The following ANKRD10 variants were observed in gnomAD, a reference collection of about 807,000 sequenced individuals.
ANKRD10 encodes the protein ankyrin repeat domain-containing protein 10.
In ANKRD10, 14 loss-of-function variants were observed where a neutral mutation model predicts 27.0. That is an observed-to-expected ratio of 0.52 (90% confidence interval 0.34 to 0.81). The LOEUF (loss-of-function observed/expected upper bound fraction) is 0.81, where lower values mean the gene tolerates loss of function less well. Ranked by LOEUF, ANKRD10 falls within the 40% of genes least tolerant of loss-of-function variation. The pLI is 0.01. For missense variants in ANKRD10, 493 were observed against 544.0 expected, an observed-to-expected ratio of 0.91 and a Z score of 0.93; for synonymous variants, 250 against 224.5, an observed-to-expected ratio of 1.11 and a Z score of -1.01.
At chr13:110,908,997 G>A (rs1002603425) in intron 2 of ANKRD10, among the ~76,000 whole-genome samples, 2 of 152,160 alleles carry the variant, frequency 1.3e-5, no homozygotes, top group Admixed American at 6.5e-5. Context: ...AAGTTTCCAG[G>A]AGGTGTTATC....
Position 110,879,601 on chromosome 13 carries a change from A to G in ANKRD10, c.*36T>C. On this transcript the variant is annotated 3_prime_UTR_variant, in exon 6 of 6. Coordinates refer to ENST00000267339, the MANE Select transcript of ANKRD10 (RefSeq NM_017664.4). ...GGGTATTCTGAGCTGGCTACCAGGA[A>G]GGACTCCTGCGTTTCCGAGAGCCAG... 1.3e-6 allele frequency: 2 copies of G among 1,532,094 alleles called. No homozygotes were observed. The highest frequency in any genetic ancestry group is 1.8e-6 in the Non-Finnish European group (2 of 1,114,738). 94.9% of individuals were successfully genotyped at this position (1,532,094 alleles called of 1,614,324 possible). A position where few individuals can be genotyped will look rare whatever the true frequency, so the allele number is the denominator to read the frequency against.
At chr13:110,900,593 G>A in intron 3 of ANKRD10, 1 of 1,351,806 alleles carries the variant, frequency 7.4e-7, no homozygotes, top group Non-Finnish European at 9.8e-7. Context: ...ACAACTGTAA[G>A]GTTTTCGGAG....
chr13:110,891,578 T>A (rs531698481), intron 4 of ANKRD10, among the ~76,000 whole-genome samples: 1 of 152,300 alleles, frequency 6.6e-6, no homozygotes, highest in Non-Finnish European at 1.5e-5. Context: ...ATCAACTTTA[T>A]AGGGAAAAAA....
intron 1 of ANKRD10, among the ~76,000 whole-genome samples, chr13:110,912,991 C>CT (rs1456848538): frequency 5.3e-5 from 8 of 152,222 alleles, no homozygotes; most frequent in Non-Finnish European, 7.3e-5. Context: ...GGTAAAGCTA[C>CT]TACTCAAAGT....
intron 3 of ANKRD10, among the ~76,000 whole-genome samples, chr13:110,898,155 A>G (rs1466641285): frequency 6.6e-6 from 1 of 152,196 alleles, no homozygotes. Context: ...CTATTCCTAA[A>G]TTGAGTGTTT....
chr13:110,907,497 G>T (rs1040200065), intron 2 of ANKRD10, among the ~76,000 whole-genome samples: 2 of 152,186 alleles, frequency 1.3e-5, no homozygotes, highest in African/African-American at 4.8e-5. Flanking sequence ...AACATGAGGT[G>T]AGGGCCACCC....
rs1181628752 is a variant in ANKRD10, at chr13:110,896,875, G to C, written c.456-3612C>G. Among the ~76,000 whole-genome samples the C allele has an allele frequency of 4.3e-4, 65 of 152,042 alleles. 1 individual carries two copies. Among genetic ancestry groups the C allele is most frequent in the Non-Finnish European group, 1.5e-5 (1 of 67,998 alleles). ...TTGGGCCATAGGTTATACAAAAAAAGGCAGCAGGCCAGAACTGCTGAATAA... is the reference window on the plus strand; with the variant it reads ...TTGGGCCATAGGTTATACAAAAAAACGCAGCAGGCCAGAACTGCTGAATAA... On this transcript the variant is annotated intron_variant, in intron 3 of 5. Coordinates refer to ENST00000267339, the MANE Select transcript of ANKRD10 (RefSeq NM_017664.4).
Position 110,914,914 on chromosome 13 carries a change from GCCCGCT to G in ANKRD10, c.15_20del (p.Ala8_Gly9del). ...TGGAGAAGCCCGCCTCTACGCCCGC[GCCCGCT>G]CCCGCCGCCGACATGGTCCGTCACC... On this transcript the variant is annotated inframe_deletion, in exon 1 of 6. Transcript: ENST00000267339. 4 of 1,534,698 alleles carry G rather than the reference GCCCGCT, an allele frequency of 2.6e-6. No individual in the cohort carries two copies. Among genetic ancestry groups the G allele is most frequent in the Non-Finnish European group, 3.5e-6 (4 of 1,145,278 alleles).
chr13:110,893,620 T>A (rs1195475149), intron 3 of ANKRD10, among the ~76,000 whole-genome samples: 1 of 152,238 alleles, frequency 6.6e-6, no homozygotes, highest in African/African-American at 2.4e-5. Flanking sequence ...TACCCATTCC[T>A]TTAGCGTGAA....
chr13:110,892,436 A>AAAAAAAAAAAAAAAAAAAGG (rs1555321016), intron 4 of ANKRD10, among the ~76,000 whole-genome samples: 2 of 144,470 alleles, frequency 1.4e-5, no homozygotes, highest in Non-Finnish European at 3.1e-5. Flanking sequence ...AAAAAAAAAA[A>AAAAAAAAAAAAAAAAAAAGG]TGGTGGGAGA....
Position 110,883,730 on chromosome 13 carries a change from A to AT in ANKRD10, c.754dup (p.Met252AsnfsTer4). 1.9e-6 allele frequency: 3 copies of AT among 1,614,176 alleles called. No homozygotes were observed. Among genetic ancestry groups the AT allele is most frequent in the Non-Finnish European group, 2.5e-6 (3 of 1,180,022 alleles). On this transcript the variant is annotated frameshift_variant, in exon 5 of 6. Transcript: ENST00000267339. LOFTEE classifies it low-confidence loss of function (END_TRUNC). ...AACAGCAAACTCCCTATCAACGTGC[A>AT]TTTTGTCAGCATCGTCTTCTGTGTC...
intron 4 of ANKRD10, among the ~76,000 whole-genome samples, chr13:110,885,035 T>TG (rs1312036558): frequency 1.4e-5 from 2 of 147,316 alleles, no homozygotes. Context: ...TTTGTGTAGT[T>TG]GGGGGGATGG....
intron 1 of ANKRD10, 44 bp downstream of exon 1, chr13:110,914,681 C>G (rs772994827): frequency 2.0e-5 from 30 of 1,528,524 alleles, no homozygotes; most frequent in Admixed American, 4.0e-5. Flanking sequence ...CCGACTCCCA[C>G]TGGACAGCCG....
At chr13:110,906,290 G>A (rs768002982) in intron 2 of ANKRD10, among the ~76,000 whole-genome samples, 166 bp from the exon 3 acceptor site, 3 of 152,166 alleles carry the variant, frequency 2.0e-5, no homozygotes, top group Non-Finnish European at 2.9e-5. Context: ...GTGAATGGAG[G>A]ATGAGAACGA....
intron 3 of ANKRD10, among the ~76,000 whole-genome samples, chr13:110,900,056 CAA>C (rs200225094): frequency 0.02 from 3,006 of 150,804 alleles, 98 homozygotes; most frequent in African/African-American, 0.069. Flanking sequence ...TTCAAACACT[CAA>C]ATTTATATCT....
rs1187061177 is a variant in ANKRD10 at position 110,879,205 on chromosome 13, G to A, written c.*432C>T. On this transcript the variant is annotated 3_prime_UTR_variant, in exon 6 of 6. Coordinates refer to ENST00000267339, the MANE Select transcript of ANKRD10 (RefSeq NM_017664.4). ...GTACCTTGCATAGGGAAATAGCTGT[G>A]TTCCGTCAAATTCTACAGAAAAGAG... 1 of 193,624 alleles carries A rather than the reference G, an allele frequency of 5.2e-6. No homozygotes were observed. Among genetic ancestry groups the A allele is most frequent in the African/African-American group, 2.3e-5 (1 of 43,416 alleles). 12.0% of individuals were successfully genotyped at this position (193,624 alleles called of 1,614,324 possible). A position where few individuals can be genotyped will look rare whatever the true frequency, so the allele number is the denominator to read the frequency against.
chr13:110,905,018 G>A (rs961290340), intron 3 of ANKRD10: 2 of 152,182 alleles, frequency 1.3e-5, no homozygotes, highest in African/African-American at 4.8e-5. Context: ...GGAAACCAAA[G>A]GGTTAAACTA....
At chr13:110,900,841 A>T (rs372675416) in intron 3 of ANKRD10, 2 of 446,116 alleles carry the variant, frequency 4.5e-6, no homozygotes, top group Non-Finnish European at 7.9e-6. Flanking sequence ...CATAGACAAC[A>T]TAAGGTGCAG....
chr13:110,907,945 G>C (rs889894385), intron 2 of ANKRD10, among the ~76,000 whole-genome samples: 14 of 152,250 alleles, frequency 9.2e-5, no homozygotes, highest in Admixed American at 9.2e-4. Flanking sequence ...GTCACGGTGG[G>C]ATATTAACAG....
Sources: gnomAD v4.1 joint callset for allele counts (sites outside exome capture counted in the v4.1 genomes callset) on GRCh38, gnomAD v4.1.1 for gene constraint, MANE v1.5 for transcripts, NCBI Gene and HGNC (gene_info 2026-07-23, HGNC 2026-07-21) for gene names.